IGFBP2: variants seen among roughly 807,000 people sequenced by gnomAD.
The protein encoded by IGFBP2 is insulin-like growth factor-binding protein 2.
Under a neutral mutation model 26.2 loss-of-function variants are expected in IGFBP2, and 12 were observed. That is an observed-to-expected ratio of 0.46 (90% CI 0.29 to 0.74). The LOEUF (loss-of-function observed/expected upper bound fraction) is 0.74. Ranked by LOEUF, IGFBP2 falls within the 30% of genes least tolerant of loss-of-function variation. The pLI is 0.09. For synonymous variants in IGFBP2, 189 were observed against 200.6 expected, an observed-to-expected ratio of 0.94 and a Z score of 0.49; for missense variants, 328 against 441.2, an observed-to-expected ratio of 0.74 and a Z score of 2.30.
intron 1 of IGFBP2, among the ~76,000 whole-genome samples, chr2:216,648,666 T>G (rs938250296): frequency 6.6e-6 from 1 of 152,096 alleles, no homozygotes; most frequent in Non-Finnish European, 1.5e-5. Context: ...CTGGAGTCAG[T>G]GGCGCGATCT....
chr2:216,638,755 A>G (rs146880775), intron 1 of IGFBP2, among the ~76,000 whole-genome samples: 4,013 of 151,184 alleles, frequency 0.027, 143 homozygotes, highest in African/African-American at 0.082. Context: ...GCTGGAGTGC[A>G]GTGGTGCGAT....
At chr2:216,654,895 G>T (rs1007823803) in intron 1 of IGFBP2, among the ~76,000 whole-genome samples, 19 of 152,164 alleles carry the variant, frequency 1.2e-4, no homozygotes, top group African/African-American at 4.6e-4. Flanking sequence ...ACATCTCAGG[G>T]CAGGAAATCA....
intron 2 of IGFBP2, 183 bp from the exon 3 acceptor site, chr2:216,661,675 G>A: frequency 1.4e-6 from 1 of 693,582 alleles, no homozygotes; most frequent in East Asian, 2.7e-5. Context: ...CTGGGGTTGG[G>A]CACCCAGCAT....
chr2:216,638,891 G>C (rs1395032844), intron 1 of IGFBP2, among the ~76,000 whole-genome samples: 1 of 150,892 alleles, frequency 6.6e-6, no homozygotes, highest in South Asian at 2.1e-4. Context: ...TAGTAGAGAC[G>C]GGGTTTCACA....
At chr2:216,661,476 A>G (rs1688646339) in intron 2 of IGFBP2, 1 of 361,824 alleles carries the variant, frequency 2.8e-6, no homozygotes, top group South Asian at 2.2e-5. Context: ...CAGCTCTGCC[A>G]TCTTGGGTCC....
chr2:216,661,515 T>C, intron 2 of IGFBP2: 1 of 393,898 alleles, frequency 2.5e-6, no homozygotes, highest in Non-Finnish European at 4.9e-6. Flanking sequence ...TGGAAAGAAG[T>C]GGAGCTTGGG....
chr2:216,638,943 G>A (rs1193730309), intron 1 of IGFBP2, among the ~76,000 whole-genome samples: 2 of 150,720 alleles, frequency 1.3e-5, no homozygotes. Flanking sequence ...CTCATGATCC[G>A]CCCACCTCGG....
intron 1 of IGFBP2, among the ~76,000 whole-genome samples, chr2:216,656,370 A>C (rs1372744250): frequency 1.3e-5 from 2 of 152,182 alleles, no homozygotes; most frequent in Non-Finnish European, 2.9e-5. Flanking sequence ...GAGGGGTCTT[A>C]GCCGTGGATG....
At chr2:216,639,007 ATTTTTTTTTTTTTTT>A (rs1208707145) in intron 1 of IGFBP2, among the ~76,000 whole-genome samples, 2 of 115,050 alleles carry the variant, frequency 1.7e-5, no homozygotes, top group Non-Finnish European at 3.5e-5. Context: ...GACCAGGCTA[ATTTTTTTTTTTTTTT>A]TTTTTTTTGA....
chr2:216,661,909 C>T lies in IGFBP2; in HGVS notation c.724C>T (p.Arg242Cys), dbSNP rs768486880. 19 of 1,614,062 alleles carry T rather than the reference C, an allele frequency of 1.2e-5. No individual in the cohort carries two copies. Among genetic ancestry groups the T allele is most frequent in the Admixed American group, 1.7e-5 (1 of 60,012 alleles). ...GGTCCTGGAGCGGATCTCCACCATGCGCCTTCCGGATGAGCGGGGCCCTCT... is the reference window on the plus strand; with the variant it reads ...GGTCCTGGAGCGGATCTCCACCATGTGCCTTCCGGATGAGCGGGGCCCTCT... ...DQVLERISTM[R>C]LPDERGPLEH... is the part of the protein sequence containing the mutation. The change falls in exon 3 of 4, where the codon CGC becomes TGC. Residue 242 changes from arginine (R) to cysteine (C), a missense_variant. Physicochemically the swap from Arg to Cys is radical, Grantham distance 180. Coordinates refer to ENST00000233809, the MANE Select transcript of IGFBP2 (RefSeq NM_000597.3).
At position 216,657,758 on chromosome 2, in the gene IGFBP2, G is replaced by A. The variant is rs141452570; in HGVS notation, c.443-2799G>A. On this transcript the variant is annotated intron_variant, in intron 1 of 3. Transcript: ENST00000233809. The stretch of plus-strand genomic sequence containing the variant: ...ACGCTAAATCGGCCTTTTCCTGCCG[G>A]TGGTGCTGGGCTGCCGGGCTGCTGG... 4.0e-3 allele frequency among the ~76,000 whole-genome samples: 602 copies of A among 152,320 alleles called. 7 individuals carry two copies. Among genetic ancestry groups the A allele is most frequent in the African/African-American group, 0.014 (574 of 41,576 alleles).
Position 216,661,860 on chromosome 2 carries a change from T to G in IGFBP2, c.675T>G (p.Thr225=), listed in dbSNP as rs1361670134. 1.9e-6 allele frequency: 3 copies of G among 1,614,024 alleles called. No individual in the cohort carries two copies. Among genetic ancestry groups the G allele is most frequent in the East Asian group, 4.5e-5 (2 of 44,892 alleles). ...PKKLRPPPAR[T]PCQQELDQVL... ...TCCCCTGCTGTCTGTGCGTGCAGACTCCCTGCCAACAGGAACTGGACCAGG... is the reference window on the plus strand; with the variant it reads ...TCCCCTGCTGTCTGTGCGTGCAGACGCCCTGCCAACAGGAACTGGACCAGG... Residue 225 remains threonine, a splice_region_variant and synonymous_variant, in exon 3 of 4, where the codon ACT becomes ACG. Coordinates refer to ENST00000233809, the MANE Select transcript of IGFBP2 (RefSeq NM_000597.3).
intron 1 of IGFBP2, among the ~76,000 whole-genome samples, chr2:216,652,473 G>A (rs539126062): frequency 3.9e-5 from 6 of 152,166 alleles, no homozygotes; most frequent in Admixed American, 2.0e-4. Context: ...ACCGCGCCCC[G>A]CCCCTTAGCA....
At chr2:216,635,946 G>A (rs1461499083) in intron 1 of IGFBP2, among the ~76,000 whole-genome samples, 1 of 152,140 alleles carries the variant, frequency 6.6e-6, no homozygotes, top group Non-Finnish European at 1.5e-5. Flanking sequence ...TTAAGCAGGG[G>A]TGGAAGGTGG....
chr2:216,642,225 C>A (rs62178308), intron 1 of IGFBP2, among the ~76,000 whole-genome samples: 1 of 151,490 alleles, frequency 6.6e-6, no homozygotes, highest in Non-Finnish European at 1.5e-5. Flanking sequence ...GTCTCGATCT[C>A]TTGACCTCAT....
At position 216,660,597 on chromosome 2, in the gene IGFBP2, C is replaced by A; in HGVS notation, c.483C>A (p.Asn161Lys). Reference sequence around the variant, plus strand: ...ACTCAGAAGGAGGCCTGGTGGAGAACCACGTGGACAGCACCATGAACATGT... The same window carrying A: ...ACTCAGAAGGAGGCCTGGTGGAGAAACACGTGGACAGCACCATGAACATGT... ...DDHSEGGLVE[N>K]HVDSTMNMLG... Residue 161 changes from asparagine to lysine, a missense_variant, in exon 2 of 4, where the codon AAC (asparagine) becomes AAA (lysine). Coordinates refer to ENST00000233809, the MANE Select transcript of IGFBP2 (RefSeq NM_000597.3). The A allele has an allele frequency of 6.2e-7, 1 of 1,613,222 alleles. No homozygotes were observed. The highest frequency in any genetic ancestry group is 8.5e-7 in the Non-Finnish European group (1 of 1,179,558).
intron 1 of IGFBP2, among the ~76,000 whole-genome samples, chr2:216,639,254 C>G (rs9341124): frequency 3.0e-4 from 45 of 151,876 alleles, no homozygotes; most frequent in African/African-American, 1.0e-3. Flanking sequence ...AGGTTGGTCT[C>G]AAACTCGTGA....
chr2:216,661,780 C>G lies in IGFBP2; in HGVS notation c.673-78C>G. 1.9e-6 allele frequency: 3 copies of G among 1,548,292 alleles called. No homozygotes were observed. The Middle Eastern group carries it at 5.2e-4, about 270-fold the overall frequency. On this transcript the variant is annotated intron_variant, in intron 2 of 3. Coordinates refer to ENST00000233809, the MANE Select transcript of IGFBP2 (RefSeq NM_000597.3). Reference sequence around the variant, plus strand: ...GTCCCCTCCCTGTGCAGCAGCTTCTCGCTGAGCTTGCGTCTGGCGCGTGCT... The same window carrying G: ...GTCCCCTCCCTGTGCAGCAGCTTCTGGCTGAGCTTGCGTCTGGCGCGTGCT...
chr2:216,655,803 G>A (rs987276569), intron 1 of IGFBP2, among the ~76,000 whole-genome samples: 2 of 151,826 alleles, frequency 1.3e-5, no homozygotes, highest in South Asian at 2.1e-4. Flanking sequence ...GCTGAGGCAG[G>A]AGAATTGCTC....
Sources: gnomAD v4.1 joint callset for allele counts (sites outside exome capture counted in the v4.1 genomes callset) on GRCh38, gnomAD v4.1.1 for gene constraint, MANE v1.5 for transcripts, NCBI Gene and HGNC (gene_info 2026-07-23, HGNC 2026-07-21) for gene names.